Variants in SLC25A12 observed in about 807,000 individuals in gnomAD.
SLC25A12 encodes solute carrier family 25 member 12, also known as electrogenic aspartate/glutamate antiporter SLC25A12, mitochondrial.
Under a neutral mutation model 83.3 loss-of-function variants are expected in SLC25A12, and 32 were observed. The ratio of observed to expected loss-of-function variants is 0.38; its 90% CI spans 0.29 to 0.52. SLC25A12 has a LOEUF of 0.52. SLC25A12 is among the 20% of genes least tolerant of loss of function. SLC25A12 has a pLI of 0.84. For synonymous variants in SLC25A12, 267 were observed against 291.1 expected, an observed-to-expected ratio of 0.92 and a Z score of 0.84; for missense variants, 611 against 835.6, an observed-to-expected ratio of 0.73 and a Z score of 3.31.
chr2:171,839,695 G>A (rs956386514), intron 5 of SLC25A12, among the ~76,000 whole-genome samples: 2 of 152,104 alleles, frequency 1.3e-5, no homozygotes, highest in Non-Finnish European at 2.9e-5. Flanking sequence ...AGATCAGAAA[G>A]CAGAAAAGCA....
At chr2:171,841,722 C>T (rs1310813108) in intron 5 of SLC25A12, among the ~76,000 whole-genome samples, 1 of 152,148 alleles carries the variant, frequency 6.6e-6, no homozygotes, top group East Asian at 1.9e-4. Flanking sequence ...TTTTATTCCA[C>T]TTTCCTCAAG....
At chr2:171,818,735 G>T (rs1684109403) in intron 9 of SLC25A12, among the ~76,000 whole-genome samples, 1 of 152,042 alleles carries the variant, frequency 6.6e-6, no homozygotes, top group Non-Finnish European at 1.5e-5. Flanking sequence ...TGATGCATTA[G>T]ATAAGGCAAG....
intron 13 of SLC25A12, chr2:171,809,324 G>A (rs1008370015): frequency 2.4e-6 from 1 of 421,860 alleles, no homozygotes; most frequent in East Asian, 5.1e-5. Flanking sequence ...CCCACCAACA[G>A]TGTAAAATGG....
intron 9 of SLC25A12, among the ~76,000 whole-genome samples, chr2:171,826,300 T>C (rs1684299191): frequency 6.6e-6 from 1 of 152,216 alleles, no homozygotes; most frequent in Non-Finnish European, 1.5e-5. Flanking sequence ...AATATAAATC[T>C]AGTTATCTCA....
intron 13 of SLC25A12, among the ~76,000 whole-genome samples, chr2:171,806,223 G>C (rs892711886): frequency 6.6e-6 from 1 of 152,228 alleles, no homozygotes; most frequent in Non-Finnish European, 1.5e-5. Context: ...ACTTTGGGAG[G>C]CCGAGGCCGG....
chr2:171,810,325 A>G, intron 11 of SLC25A12, 49 bp from the exon 12 acceptor site: 1 of 1,418,770 alleles, frequency 7.0e-7, no homozygotes, highest in Middle Eastern at 1.8e-4. Context: ...CCAGACATGA[A>G]TACACAAGCC....
rs183376157 is a variant in SLC25A12 at position 171,870,424 on chromosome 2, C to G, written c.67-1601G>C. ...ACTGCTTGAGCCCAGGAGTTCAAGA[C>G]CAGCCTGGGCAACATGGCAAAACCC... On this transcript the variant is annotated intron_variant, in intron 2 of 17. Transcript: ENST00000422440. Among the ~76,000 whole-genome samples, 48 of 152,142 alleles carry G rather than the reference C, an allele frequency of 3.2e-4. No homozygotes were observed. In the East Asian group the frequency reaches 9.3e-3, roughly 29 times the overall value.
chr2:171,855,707 C>G, intron 4 of SLC25A12, 127 bp downstream of exon 4: 1 of 738,806 alleles, frequency 1.4e-6, no homozygotes, highest in Non-Finnish European at 2.5e-6. Flanking sequence ...TGCATAAATC[C>G]TTTTAGGAAA....
chr2:171,836,945 TACACACACACACATGCACAC>T (rs1684569861), intron 6 of SLC25A12, among the ~76,000 whole-genome samples, 156 bp downstream of exon 6: 1 of 146,554 alleles, frequency 6.8e-6, no homozygotes, highest in African/African-American at 2.5e-5. Flanking sequence ...TACATTCACG[TACACACACACACATGCACAC>T]ACACACACAC....
chr2:171,894,211 C>T lies in SLC25A12; in HGVS notation c.4G>A (p.Ala2Thr), dbSNP rs886055125. 1.9e-5 allele frequency: 31 copies of T among 1,608,990 alleles called. No homozygotes were observed. Among genetic ancestry groups the T allele is most frequent in the Non-Finnish European group, 2.4e-5 (28 of 1,177,868 alleles). The part of the protein sequence containing the change: M[A>T]VKVQTTKRGD... Reference sequence around the variant, plus strand: ...CAGAGAGTTGGAGTCACCTTGACCGCCATGCTGTGCTCGGAAGCCGGGGAC... The same window carrying T: ...CAGAGAGTTGGAGTCACCTTGACCGTCATGCTGTGCTCGGAAGCCGGGGAC... Residue 2 changes from alanine (A) to threonine (T), a missense_variant, in exon 1 of 18, where the codon GCG becomes ACG. By Grantham distance (58) the Ala-to-Thr change is moderately conservative. Coordinates refer to ENST00000422440, the MANE Select transcript of SLC25A12 (RefSeq NM_003705.5).
At chr2:171,882,687 T>C (rs1265544423) in intron 2 of SLC25A12, among the ~76,000 whole-genome samples, 1 of 152,252 alleles carries the variant, frequency 6.6e-6, no homozygotes, top group East Asian at 1.9e-4. Context: ...AATGTGTGTT[T>C]CTTCCAGTTC....
intron 2 of SLC25A12, among the ~76,000 whole-genome samples, chr2:171,880,990 T>A (rs1373600681): frequency 6.6e-6 from 1 of 152,242 alleles, no homozygotes; most frequent in African/African-American, 2.4e-5. Flanking sequence ...AAAATGGGAA[T>A]ACTAATCGTT....
At chr2:171,829,964 GA>G (rs1320161345) in intron 8 of SLC25A12, among the ~76,000 whole-genome samples, 1 of 152,152 alleles carries the variant, frequency 6.6e-6, no homozygotes, top group African/African-American at 2.4e-5. Flanking sequence ...TTGGAGGAAT[GA>G]AAAAGGGAAT....
chr2:171,857,358 AG>A (rs1209323340), intron 3 of SLC25A12, among the ~76,000 whole-genome samples: 3 of 150,694 alleles, frequency 2.0e-5, no homozygotes, highest in Non-Finnish European at 4.4e-5. Flanking sequence ...GCGACAGACC[AG>A]ACTCTGTCTC....
chr2:171,841,710 A>C (rs927411832), intron 5 of SLC25A12, among the ~76,000 whole-genome samples: 2 of 152,200 alleles, frequency 1.3e-5, no homozygotes, highest in African/African-American at 4.8e-5. Context: ...GTCTCAAAAA[A>C]ATTTTATTCC....
At chr2:171,790,088 C>T (rs1172706403) in intron 15 of SLC25A12, among the ~76,000 whole-genome samples, 2 of 152,198 alleles carry the variant, frequency 1.3e-5, no homozygotes, top group Non-Finnish European at 2.9e-5. Context: ...TCTTAATGAT[C>T]AAAGTCATCC....
chr2:171,865,779 T>A (rs1357399747), intron 3 of SLC25A12, among the ~76,000 whole-genome samples: 4 of 152,120 alleles, frequency 2.6e-5, no homozygotes, highest in Admixed American at 2.6e-4. Context: ...GAATTTGACC[T>A]ATAAAGTGGA....
chr2:171,867,681 G>C (rs948321826), intron 3 of SLC25A12, among the ~76,000 whole-genome samples: 1 of 152,162 alleles, frequency 6.6e-6, no homozygotes. Flanking sequence ...TCTTTTTTAA[G>C]ACCATTACAC....
intron 12 of SLC25A12, 38 bp from the exon 13 acceptor site, chr2:171,809,724 A>G (rs781420684): frequency 1.4e-6 from 2 of 1,461,542 alleles, no homozygotes; most frequent in Non-Finnish European, 9.6e-7. Context: ...CAAAATTCCC[A>G]ACCATTTCTC....
Sources: allele counts gnomAD v4.1 joint callset (sites outside exome capture counted in the v4.1 genomes callset), GRCh38; gene constraint gnomAD v4.1.1; transcripts MANE v1.5; gene names NCBI Gene and HGNC (gene_info 2026-07-23, HGNC 2026-07-21).